The following C10orf90 variants were observed in gnomAD, a reference collection of about 807,000 sequenced individuals.
The protein encoded by C10orf90 is (E2-independent) E3 ubiquitin-conjugating enzyme FATS.
C10orf90 carries 56 observed loss-of-function variants against 62.5 expected under a neutral mutation model. That is an observed-to-expected ratio of 0.90 (90% CI 0.72 to 1.12). The LOEUF (loss-of-function observed/expected upper bound fraction) is 1.12, where lower values mean the gene tolerates loss of function less well. Ranked by LOEUF, C10orf90 falls within the 50% of genes most tolerant of loss-of-function variation. The probability of loss-of-function intolerance (pLI) is 0.00; values close to 1 mark genes in which losing one functional copy is unlikely to be tolerated. For synonymous variants in C10orf90, 386 were observed against 340.4 expected (o/e 1.13, Z -1.47); for missense variants, 970 against 880.4 (o/e 1.10, Z -1.29).
chr10:126,576,728 ATATATG>A (rs1480911159), intron 2 of C10orf90, among the ~76,000 whole-genome samples: 5 of 36,918 alleles, frequency 1.4e-4, no homozygotes, highest in South Asian at 1.3e-3. Context: ...AGATATACAT[ATATATG>A]TATATGTATA....
At chr10:126,565,399 ATT>A (rs1844355010) in intron 2 of C10orf90, among the ~76,000 whole-genome samples, 1 of 68,170 alleles carries the variant, frequency 1.5e-5, no homozygotes, top group African/African-American at 6.2e-5. Context: ...TATATATTAT[ATT>A]ATATATAATA....
At chr10:126,638,637 G>C (rs911512351) in intron 2 of C10orf90, among the ~76,000 whole-genome samples, 2 of 152,142 alleles carry the variant, frequency 1.3e-5, no homozygotes, top group African/African-American at 2.4e-5. Flanking sequence ...TGGGGAAAAT[G>C]ATGAGGGCCT....
intron 8 of C10orf90, 52 bp downstream of exon 8, chr10:126,429,735 C>G (rs1219366822): frequency 6.5e-7 from 1 of 1,536,202 alleles, no homozygotes; most frequent in African/African-American, 1.4e-5. Context: ...AGCCATCAAA[C>G]CACCCTACTC....
chr10:126,487,780 T>C (rs1861518888), intron 4 of C10orf90, among the ~76,000 whole-genome samples: 1 of 152,008 alleles, frequency 6.6e-6, no homozygotes, highest in Non-Finnish European at 1.5e-5. Flanking sequence ...ATGGTAAACA[T>C]AAGGTAAATC....
intron 2 of C10orf90, among the ~76,000 whole-genome samples, chr10:126,632,682 A>G (rs1450685205): frequency 6.6e-6 from 1 of 152,096 alleles, no homozygotes; most frequent in African/African-American, 2.4e-5. Context: ...GCTCTTTTCA[A>G]TGAACTTTTA....
chr10:126,503,290 T>C (rs1307659635), intron 4 of C10orf90, among the ~76,000 whole-genome samples: 1 of 152,172 alleles, frequency 6.6e-6, no homozygotes, highest in Non-Finnish European at 1.5e-5. Flanking sequence ...GCCCTGGAAA[T>C]GGCAGAAACA....
At chr10:126,515,225 T>G (rs926839042) in intron 2 of C10orf90, among the ~76,000 whole-genome samples, 2 of 152,174 alleles carry the variant, frequency 1.3e-5, no homozygotes, top group Non-Finnish European at 2.9e-5. Flanking sequence ...AACGTTGTAG[T>G]ATAATTGTTT....
At chr10:126,630,298 T>C (rs1245925918) in intron 2 of C10orf90, among the ~76,000 whole-genome samples, 1 of 152,190 alleles carries the variant, frequency 6.6e-6, no homozygotes, top group Non-Finnish European at 1.5e-5. Flanking sequence ...TGCTGAGTCC[T>C]GCAGATGCTG....
Position 126,521,176 on chromosome 10 carries a change from C to A in C10orf90, c.314-7237G>T, listed in dbSNP as rs115436922. 4,433 of 1,064,312 alleles carry A rather than the reference C, an allele frequency of 4.2e-3. 126 individuals carry two copies. In the African/African-American group the frequency reaches 0.063, roughly 15 times the overall value. 65.9% of individuals were successfully genotyped at this position (1,064,312 alleles called of 1,614,324 possible). ...CCCAGGTCTTTAGAGATACCTGGTT[C>A]ATCTCCTTTCCCCTGGGGCCTCATA... On this transcript the variant is annotated intron_variant, in intron 2 of 9. Coordinates refer to ENST00000488181, the MANE Select transcript of C10orf90 (RefSeq NM_001350921.2).
At chr10:126,480,820 G>A (rs1354156698) in intron 4 of C10orf90, among the ~76,000 whole-genome samples, 1 of 152,148 alleles carries the variant, frequency 6.6e-6, no homozygotes, top group African/African-American at 2.4e-5. Context: ...CACTCACTAG[G>A]TGGACTCTCT....
chr10:126,537,526 C>G (rs201969478), intron 2 of C10orf90, among the ~76,000 whole-genome samples: 5 of 152,176 alleles, frequency 3.3e-5, no homozygotes, highest in Non-Finnish European at 7.3e-5. Context: ...CCCGCTTGGG[C>G]CTTTGACCAA....
intron 1 of C10orf90, among the ~76,000 whole-genome samples, chr10:126,663,176 T>A (rs1846552862): frequency 6.6e-6 from 1 of 152,146 alleles, no homozygotes; most frequent in Admixed American, 6.5e-5. Flanking sequence ...GTGAGAAAGC[T>A]GCGGAGGGAC....
At chr10:126,502,177 GC>G (rs1265590071) in intron 4 of C10orf90, among the ~76,000 whole-genome samples, 1 of 151,810 alleles carries the variant, frequency 6.6e-6, no homozygotes, top group Non-Finnish European at 1.5e-5. Flanking sequence ...GGTGACGGGT[GC>G]CCTAAAATCT....
chr10:126,609,993 G>A (rs1196620362), intron 2 of C10orf90, among the ~76,000 whole-genome samples: 1 of 152,172 alleles, frequency 6.6e-6, no homozygotes, highest in Non-Finnish European at 1.5e-5. Context: ...GGAGCCTCCA[G>A]GCAGAACACA....
At chr10:126,505,528 C>T (rs994822330) in intron 3 of C10orf90, among the ~76,000 whole-genome samples, 3 of 152,190 alleles carry the variant, frequency 2.0e-5, no homozygotes, top group Admixed American at 6.5e-5. Context: ...GAAACAGCAA[C>T]GGTGGTTACC....
intron 4 of C10orf90, among the ~76,000 whole-genome samples, chr10:126,479,644 T>C (rs1323231112): frequency 6.6e-6 from 1 of 152,226 alleles, no homozygotes; most frequent in Non-Finnish European, 1.5e-5. Flanking sequence ...CTGTTATTTA[T>C]ACACATGGGG....
chr10:126,561,903 C>T (rs1864910197), intron 2 of C10orf90, among the ~76,000 whole-genome samples: 3 of 152,234 alleles, frequency 2.0e-5, no homozygotes, highest in South Asian at 4.1e-4. Flanking sequence ...GAACCCCCCA[C>T]TGAGAGATGA....
intron 4 of C10orf90, among the ~76,000 whole-genome samples, chr10:126,466,664 G>A (rs1860307226): frequency 6.6e-6 from 1 of 152,138 alleles, no homozygotes; most frequent in Admixed American, 6.5e-5. Context: ...GGCCACCTGA[G>A]AGCCATCAAT....
At chr10:126,460,843 A>G (rs1472503692) in intron 6 of C10orf90, among the ~76,000 whole-genome samples, 1 of 152,230 alleles carries the variant, frequency 6.6e-6, no homozygotes, top group African/African-American at 2.4e-5. Context: ...CAGTTAGCAG[A>G]GGATTCCTCT....
Sources: allele counts gnomAD v4.1 joint callset (sites outside exome capture counted in the v4.1 genomes callset), GRCh38; gene constraint gnomAD v4.1.1; transcripts MANE v1.5; gene names NCBI Gene and HGNC (gene_info 2026-07-23, HGNC 2026-07-21).